The following ZNF69 variants were observed in gnomAD, a reference collection of about 807,000 sequenced individuals.
The protein encoded by ZNF69 is zinc finger protein 69.
In ZNF69, 47 loss-of-function variants were observed where a neutral mutation model predicts 50.9. The ratio of observed to expected loss-of-function variants is 0.92; its 90% CI spans 0.73 to 1.18. The LOEUF is 1.18. Ranked by LOEUF, ZNF69 falls within the 50% of genes most tolerant of loss-of-function variation. The probability of loss-of-function intolerance (pLI) is 0.00; values close to 1 mark genes in which losing one functional copy is unlikely to be tolerated. For synonymous variants in ZNF69, 216 were observed against 223.1 expected (o/e 0.97, Z 0.29); for missense variants, 717 against 675.1 (o/e 1.06, Z -0.69).
the ZNF69 span, among the ~76,000 whole-genome samples, chr19:11,926,315 C>T: frequency 6.6e-6 from 1 of 152,182 alleles, no homozygotes; most frequent in African/African-American, 2.4e-5. Flanking sequence ...CCCATCCTGT[C>T]ATACAGAGGC....
chr19:11,933,134 C>A, the ZNF69 span, among the ~76,000 whole-genome samples: 3 of 147,536 alleles, frequency 2.0e-5, no homozygotes, highest in South Asian at 4.2e-4. Flanking sequence ...AACATCTTGA[C>A]TGGCCAGGTG....
chr19:11,912,109 C>A (rs1057254333), intron 4 of ZNF69, among the ~76,000 whole-genome samples: 2 of 152,078 alleles, frequency 1.3e-5, no homozygotes, highest in African/African-American at 2.4e-5. Flanking sequence ...GGAGAGAAAC[C>A]CTATGAATGT....
the ZNF69 span, among the ~76,000 whole-genome samples, chr19:11,921,885 G>A: frequency 6.6e-6 from 1 of 152,050 alleles, no homozygotes; most frequent in Non-Finnish European, 1.5e-5. Context: ...TATCATTTAG[G>A]GTCCATCGTG....
chr19:11,947,417 A>T, the ZNF69 span: 2 of 1,601,616 alleles, frequency 1.2e-6, no homozygotes, highest in Middle Eastern at 1.7e-4. Flanking sequence ...TGATGAATAA[A>T]TGAGGCATGG....
chr19:11,927,937 C>T, the ZNF69 span, among the ~76,000 whole-genome samples: 4 of 152,006 alleles, frequency 2.6e-5, no homozygotes, highest in Admixed American at 2.0e-4. Context: ...CTTGTATAGG[C>T]AAAAGGCAAA....
At chr19:11,935,748 G>A in the ZNF69 span, among the ~76,000 whole-genome samples, 1 of 152,160 alleles carries the variant, frequency 6.6e-6, no homozygotes, top group South Asian at 2.1e-4. Context: ...GGGTACATGT[G>A]CACAACGTGC....
In ZNF69 at chr19:11,903,888, C is replaced by G; in HGVS notation, c.191-17C>G. The G allele has an allele frequency of 6.2e-7, 1 of 1,612,104 alleles. No individual in the cohort carries two copies. The highest frequency in any genetic ancestry group is 8.5e-7 in the Non-Finnish European group (1 of 1,179,346). ...TTTATACTGCCTCAGGACTATTTTT[C>G]TGTGTCTATATTTTAGGAAAAAGTT... is the stretch of plus-strand genomic sequence containing the variant. On this transcript the variant is annotated splice_polypyrimidine_tract_variant and intron_variant, in intron 2 of 3. Transcript: ENST00000429654.
the ZNF69 span, among the ~76,000 whole-genome samples, chr19:11,934,192 A>G: frequency 6.8e-6 from 1 of 147,966 alleles, no homozygotes; most frequent in African/African-American, 2.7e-5. Context: ...TTTTTTTAAA[A>G]AAAGACTCAC....
chr19:11,963,786 T>C, the ZNF69 span, among the ~76,000 whole-genome samples: 15 of 152,148 alleles, frequency 9.9e-5, no homozygotes, highest in African/African-American at 3.6e-4. Context: ...CGCGCTGCTG[T>C]AGAGCCCAGT....
At chr19:11,925,226 C>A in the ZNF69 span, 1 of 1,613,072 alleles carries the variant, frequency 6.2e-7, no homozygotes, top group Non-Finnish European at 8.5e-7. Context: ...CTGCTGTAGT[C>A]ACAGGAGCTG....
chr19:11,916,595 A>G (rs1972524543), downstream of ZNF69, among the ~76,000 whole-genome samples: 1 of 152,244 alleles, frequency 6.6e-6, no homozygotes, highest in African/African-American at 2.4e-5. Context: ...AGCCTGGGCT[A>G]CAGAACAAGA....
At chr19:11,949,391 G>C in the ZNF69 span, 2 of 1,613,908 alleles carry the variant, frequency 1.2e-6, no homozygotes, top group Non-Finnish European at 1.7e-6. Context: ...AAAGCCTTCA[G>C]ATCTACCTCA....
At chr19:11,920,616 G>C in the ZNF69 span, among the ~76,000 whole-genome samples, 1 of 142,150 alleles carries the variant, frequency 7.0e-6, no homozygotes, top group East Asian at 2.1e-4. Flanking sequence ...GGCTGGGCGC[G>C]GTGGTTCACA....
chr19:11,961,526 C>G, the ZNF69 span: 3 of 152,232 alleles, frequency 2.0e-5, no homozygotes, highest in Admixed American at 6.5e-5. Context: ...TCTGCTTTTC[C>G]TCTTGGACCC....
chr19:11,903,973 G>A lies in ZNF69; in HGVS notation c.251+8G>A, dbSNP rs760970316. 1.2e-6 allele frequency: 2 copies of A among 1,613,102 alleles called. No homozygotes were observed. Among genetic ancestry groups the A allele is most frequent in the South Asian group, 2.2e-5 (2 of 91,020 alleles). ...CCCCAGGAGAAACTTCAGGTAATTTGTACTTACAAGACAAAGCAGTGTCTC... is the reference window on the plus strand; with the variant it reads ...CCCCAGGAGAAACTTCAGGTAATTTATACTTACAAGACAAAGCAGTGTCTC... On this transcript the variant is annotated splice_region_variant and intron_variant, in intron 3 of 3. Transcript: ENST00000429654.
At chr19:11,907,891 A>C (rs1179376800), downstream of ZNF69, among the ~76,000 whole-genome samples, 2 of 152,206 alleles carry the variant, frequency 1.3e-5, no homozygotes, top group African/African-American at 4.8e-5. Context: ...TTGGATAAAG[A>C]ATCAAGACCC....
chr19:11,960,160 G>A, the ZNF69 span, among the ~76,000 whole-genome samples: 1,918 of 151,530 alleles, frequency 0.013, 22 homozygotes, highest in South Asian at 0.024. Flanking sequence ...TTAGCGTCCC[G>A]GGGCGCATAC....
chr19:11,974,406 G>A, the ZNF69 span, among the ~76,000 whole-genome samples: 1 of 150,910 alleles, frequency 6.6e-6, no homozygotes, highest in East Asian at 2.0e-4. Context: ...CATGTTGGCC[G>A]GGGTGGTCTC....
chr19:11,896,040 T>C (rs1362649076), intron 1 of ZNF69, among the ~76,000 whole-genome samples: 7 of 151,598 alleles, frequency 4.6e-5, no homozygotes. Flanking sequence ...ACCAATATGG[T>C]GAAACCCTGT....
Sources: gnomAD v4.1 joint callset for allele counts (sites outside exome capture counted in the v4.1 genomes callset) on GRCh38, gnomAD v4.1.1 for gene constraint, MANE v1.5 for transcripts, NCBI Gene and HGNC (gene_info 2026-07-23, HGNC 2026-07-21) for gene names.